Variants in PIP5K1C observed in about 807,000 individuals in gnomAD.
PIP5K1C encodes phosphatidylinositol 4-phosphate 5-kinase type-1 gamma.
A neutral mutation model predicts 80.1 loss-of-function variants in PIP5K1C; 45 were observed. That is an observed-to-expected ratio of 0.56 (90% CI 0.44 to 0.72). PIP5K1C has a LOEUF of 0.72. Ranked by LOEUF, PIP5K1C falls within the 30% of genes least tolerant of loss-of-function variation. The probability of loss-of-function intolerance (pLI) is 0.00; values close to 1 mark genes in which losing one functional copy is unlikely to be tolerated. For synonymous variants in PIP5K1C, 498 were observed against 420.1 expected (o/e 1.19, Z -2.27); for missense variants, 753 against 954.6 (o/e 0.79, Z 2.78).
Position 3,688,141 on chromosome 19 carries a change from G to A in PIP5K1C, c.94+12156C>T, listed in dbSNP as rs1343902344. 1.3e-5 allele frequency among the ~76,000 whole-genome samples: 2 copies of A among 152,188 alleles called. No homozygotes were observed. Among genetic ancestry groups the A allele is most frequent in the African/African-American group, 4.8e-5 (2 of 41,444 alleles). On this transcript the variant is annotated intron_variant, in intron 1 of 17. Coordinates refer to ENST00000335312, the MANE Select transcript of PIP5K1C (RefSeq NM_012398.3). The surrounding 1 kb of genome is among the most constrained non-coding windows in gnomAD (Gnocchi z 5.3). ...TGATGGGCCCCGAGCTGAGGCTCCC[G>A]CAGCCAGGGTCTGCGCGTGGTCCCC...
At chr19:3,636,982 G>C (rs375224460) in intron 16 of PIP5K1C, 1 of 1,026,856 alleles carries the variant, frequency 9.7e-7, no homozygotes, top group South Asian at 3.6e-5. Context: ...TGACTAAACC[G>C]TGTGGTCTCC....
chr19:3,697,493 G>A (rs185254265), intron 1 of PIP5K1C, among the ~76,000 whole-genome samples: 3 of 151,486 alleles, frequency 2.0e-5, no homozygotes, highest in Non-Finnish European at 2.9e-5. Context: ...GGGGAGGACC[G>A]AGCTGGACCA....
chr19:3,672,733 C>T (rs938466707), intron 1 of PIP5K1C: 4 of 152,638 alleles, frequency 2.6e-5, no homozygotes, highest in East Asian at 1.9e-4. Context: ...GAGGGCCCAG[C>T]GAGGCAAGCT....
intron 1 of PIP5K1C, among the ~76,000 whole-genome samples, chr19:3,683,473 C>T (rs925745143): frequency 4.6e-5 from 7 of 152,218 alleles, no homozygotes; most frequent in East Asian, 1.9e-4. Context: ...CCACCTTCGC[C>T]GTGTGTGTGG....
chr19:3,647,754 C>G (rs1443370327), intron 9 of PIP5K1C, among the ~76,000 whole-genome samples: 1 of 152,156 alleles, frequency 6.6e-6, no homozygotes, highest in African/African-American at 2.4e-5. Flanking sequence ...CAAGACCAGC[C>G]TGGCCAACAT....
At chr19:3,693,798 G>A (rs970410457) in intron 1 of PIP5K1C, among the ~76,000 whole-genome samples, 4 of 152,152 alleles carry the variant, frequency 2.6e-5, no homozygotes, top group South Asian at 2.1e-4. Context: ...CCATGGGGGC[G>A]CATGCCTGTA....
chr19:3,645,966 T>C lies in PIP5K1C; in HGVS notation c.1345+8A>G, dbSNP rs757353775. 35 of 1,610,974 alleles carry C rather than the reference T, an allele frequency of 2.2e-5. No individual in the cohort carries two copies. The highest frequency in any genetic ancestry group is 1.2e-4 in the Admixed American group (7 of 60,018). The stretch of plus-strand genomic sequence containing the variant: ...TCCCTCCCGCCTTGCGGGGCTCAGG[T>C]GGCTTACAGGAGTTCTTCCGAAAGA... On this transcript the variant is annotated splice_region_variant and intron_variant, in intron 11 of 17. Transcript: ENST00000335312.
rs549639909 is a variant in PIP5K1C, at chr19:3,666,269, GCGGGAAGA to G, written c.126+1045_126+1052del. ...TGGACAGGTGCCCTGAGGACTGCAT[GCGGGAAGA>G]CGGGAGATGCAGCAGCTCGGGTGCC... is the stretch of plus-strand genomic sequence containing the variant. On this transcript the variant is annotated intron_variant, in intron 2 of 17. Transcript: ENST00000335312. Among the ~76,000 whole-genome samples the G allele has an allele frequency of 7.2e-4, 109 of 152,344 alleles. 1 individual carries two copies. Among genetic ancestry groups the G allele is most frequent in the Middle Eastern group, 6.8e-3 (2 of 294 alleles).
At chr19:3,640,879 G>A (rs534795950) in intron 15 of PIP5K1C, among the ~76,000 whole-genome samples, 1 of 151,842 alleles carries the variant, frequency 6.6e-6, no homozygotes, top group African/African-American at 2.4e-5. Context: ...AGTAGAGATG[G>A]GGTTTCACCA....
chr19:3,665,163 T>C (rs569100352), intron 2 of PIP5K1C, among the ~76,000 whole-genome samples: 1 of 152,264 alleles, frequency 6.6e-6, no homozygotes, highest in South Asian at 2.1e-4. Flanking sequence ...GGTGGAGACC[T>C]CTGCCTCCTC....
intron 1 of PIP5K1C, 34 bp downstream of exon 1, chr19:3,700,263 A>G: frequency 1.7e-6 from 2 of 1,158,970 alleles, no homozygotes; most frequent in Non-Finnish European, 2.2e-6. Flanking sequence ...GGACGAGCCC[A>G]GCGGGCCGCA....
intron 1 of PIP5K1C, among the ~76,000 whole-genome samples, chr19:3,697,624 T>G (rs2036167108): frequency 2.0e-5 from 3 of 152,128 alleles, no homozygotes. Context: ...TGCTGCCAGA[T>G]CAGCCGTGGA....
At chr19:3,641,075 C>A (rs933464972) in intron 15 of PIP5K1C, among the ~76,000 whole-genome samples, 1 of 151,644 alleles carries the variant, frequency 6.6e-6, no homozygotes, top group Non-Finnish European at 1.5e-5. Flanking sequence ...ATTAGCCATG[C>A]GTGGTGGTGG....
chr19:3,646,046 C>T lies in PIP5K1C; in HGVS notation c.1273G>A (p.Val425Ile), dbSNP rs1294516847. 15 of 1,611,282 alleles carry T rather than the reference C, an allele frequency of 9.3e-6. No homozygotes were observed. Among genetic ancestry groups the T allele is most frequent in the East Asian group, 2.2e-5 (1 of 44,816 alleles). Residue 425 changes from valine to isoleucine, a missense_variant, in exon 11 of 18, where the codon GTC becomes ATC. Physicochemically the swap from Val to Ile is conservative, Grantham distance 29 (BLOSUM62 3). Around this residue, in one of 6 missense-constraint regions of PIP5K1C, gnomAD observed 114 missense variants for 152.4 expected, o/e 0.75. Coordinates refer to ENST00000335312, the MANE Select transcript of PIP5K1C (RefSeq NM_012398.3). Reference sequence around the variant, plus strand: ...TCGGCATAGAAGCTGGGGCGGTGGACGGACACCGTGTCCTGGAAGAGAGTT... The same window carrying T: ...TCGGCATAGAAGCTGGGGCGGTGGATGGACACCGTGTCCTGGAAGAGAGTT... ...ALVHDGDTVS[V>I]HRPSFYAERF...
At chr19:3,672,285 C>T (rs1224631747) in intron 1 of PIP5K1C, among the ~76,000 whole-genome samples, 2 of 152,224 alleles carry the variant, frequency 1.3e-5, no homozygotes, top group East Asian at 1.9e-4. Context: ...GCCTGGTCTC[C>T]GCCCTGGCCC....
At chr19:3,693,839 G>A (rs973525551) in intron 1 of PIP5K1C, among the ~76,000 whole-genome samples, 1 of 152,244 alleles carries the variant, frequency 6.6e-6, no homozygotes, top group Admixed American at 6.5e-5. Context: ...GGAGGCAGGA[G>A]GGCTGCTTGG....
chr19:3,655,888 C>T (rs770409924), intron 6 of PIP5K1C, among the ~76,000 whole-genome samples: 12 of 152,218 alleles, frequency 7.9e-5, no homozygotes, highest in Non-Finnish European at 1.3e-4. Flanking sequence ...TCCCCCCTCC[C>T]GGGGCCTGAC....
chr19:3,655,892 G>T (rs1450238829), intron 6 of PIP5K1C, among the ~76,000 whole-genome samples: 1 of 152,214 alleles, frequency 6.6e-6, no homozygotes, highest in Non-Finnish European at 1.5e-5. Context: ...CCCTCCCGGG[G>T]CCTGACGCAC....
At chr19:3,640,233 G>A (rs1201279145) in intron 15 of PIP5K1C, among the ~76,000 whole-genome samples, 1 of 152,206 alleles carries the variant, frequency 6.6e-6, no homozygotes, top group East Asian at 1.9e-4. Context: ...AAACATACAG[G>A]GGCCGCCACG....
Sources: allele counts gnomAD v4.1 joint callset (sites outside exome capture counted in the v4.1 genomes callset), GRCh38; gene constraint gnomAD v4.1.1; regional missense constraint gnomAD v4.1.1; non-coding constraint Gnocchi (gnomAD v3.1); transcripts MANE v1.5; gene names NCBI Gene and HGNC (gene_info 2026-07-23, HGNC 2026-07-21).